The following STK32B variants were observed in gnomAD, a reference collection of about 807,000 sequenced individuals.
STK32B encodes serine/threonine-protein kinase 32B.
Under a neutral mutation model 52.6 loss-of-function variants are expected in STK32B, and 43 were observed. The ratio of observed to expected loss-of-function variants is 0.82; its 90% CI spans 0.64 to 1.05. The LOEUF is 1.05. Among genes scored for constraint, STK32B ranks in the 50% least tolerant of loss-of-function variants. The pLI is 0.00. For missense variants in STK32B, 621 were observed against 534.6 expected, an observed-to-expected ratio of 1.16 and a Z score of -1.59; for synonymous variants, 238 against 204.3, an observed-to-expected ratio of 1.17 and a Z score of -1.41.
At chr4:5,374,581 G>A (rs189242331) in intron 4 of STK32B, among the ~76,000 whole-genome samples, 2 of 152,152 alleles carry the variant, frequency 1.3e-5, no homozygotes, top group South Asian at 2.1e-4. Flanking sequence ...GTCTGGCGAG[G>A]GCCTGCTCCC....
intron 3 of STK32B, among the ~76,000 whole-genome samples, chr4:5,293,836 T>A (rs1729035681): frequency 6.6e-6 from 1 of 152,178 alleles, no homozygotes; most frequent in Non-Finnish European, 1.5e-5. Context: ...CAGTTGCTCT[T>A]AGTGTTTTAG....
At chr4:5,484,844 A>T (rs908394084) in intron 11 of STK32B, among the ~76,000 whole-genome samples, 2 of 152,130 alleles carry the variant, frequency 1.3e-5, no homozygotes, top group African/African-American at 2.4e-5. Context: ...TCCTTCACTT[A>T]TGAAGCATAG....
chr4:5,462,232 G>A (rs773734715), intron 9 of STK32B, among the ~76,000 whole-genome samples: 12 of 151,850 alleles, frequency 7.9e-5, no homozygotes, highest in Non-Finnish European at 2.9e-5. Context: ...GTGTGCCTGT[G>A]TATCTGCGTG....
intron 3 of STK32B, among the ~76,000 whole-genome samples, chr4:5,175,650 C>G (rs531500675): frequency 2.0e-5 from 3 of 152,194 alleles, no homozygotes; most frequent in Non-Finnish European, 4.4e-5. Flanking sequence ...GCTGCCTGAT[C>G]GTTCCTCTGG....
chr4:5,223,282 A>G (rs565777822), intron 3 of STK32B, among the ~76,000 whole-genome samples: 113 of 152,302 alleles, frequency 7.4e-4, no homozygotes, highest in African/African-American at 2.4e-3. Context: ...TCAGGCAAAG[A>G]TCTGCTGCAG....
upstream of STK32B, among the ~76,000 whole-genome samples, chr4:5,048,135 C>A (rs754161526): frequency 1.3e-5 from 2 of 150,166 alleles, no homozygotes; most frequent in African/African-American, 4.9e-5. Context: ...TTTTTTTTTA[C>A]TTGTTTGTTT....
intron 4 of STK32B, among the ~76,000 whole-genome samples, chr4:5,392,641 A>G (rs530634924): frequency 6.6e-6 from 1 of 152,276 alleles, no homozygotes; most frequent in East Asian, 1.9e-4. Flanking sequence ...GACAAATCAC[A>G]AGGAGGAACC....
rs1716970293 is a variant in STK32B at position 5,460,807 on chromosome 4, T to A, written c.909+579T>A. ...TTTCAAAGAACAATTTTATAGCATTTAAGGGAATAAACCAGAGGGAATATA... is the reference window on the plus strand; with the variant it reads ...TTTCAAAGAACAATTTTATAGCATTAAAGGGAATAAACCAGAGGGAATATA... On this transcript the variant is annotated intron_variant, in intron 9 of 11. Coordinates refer to ENST00000282908, the MANE Select transcript of STK32B (RefSeq NM_018401.3). The surrounding 1 kb of genome is among the most constrained non-coding windows in gnomAD (Gnocchi z 4.8). Among the ~76,000 whole-genome samples the A allele has an allele frequency of 1.3e-5, 2 of 152,070 alleles. No individual in the cohort carries two copies. The highest frequency in any genetic ancestry group is 4.8e-5 in the African/African-American group (2 of 41,404).
chr4:5,157,198 A>T (rs944696780), intron 2 of STK32B, among the ~76,000 whole-genome samples: 2 of 151,772 alleles, frequency 1.3e-5, no homozygotes, highest in Non-Finnish European at 2.9e-5. Context: ...CTCTAAGATA[A>T]TGGGAGCATG....
At chr4:5,271,884 T>C (rs1727455439) in intron 3 of STK32B, among the ~76,000 whole-genome samples, 1 of 141,680 alleles carries the variant, frequency 7.1e-6, no homozygotes, top group Admixed American at 6.7e-5. Flanking sequence ...AAGTTGCTTA[T>C]CAGCTTAAGG....
intron 4 of STK32B, among the ~76,000 whole-genome samples, chr4:5,343,966 G>C (rs1733279435): frequency 6.6e-6 from 1 of 152,164 alleles, no homozygotes; most frequent in African/African-American, 2.4e-5. Context: ...ATATAAAGTA[G>C]TGCTTAAAGC....
chr4:5,080,596 T>C (rs187377715), intron 1 of STK32B, among the ~76,000 whole-genome samples: 67 of 152,352 alleles, frequency 4.4e-4, no homozygotes, highest in African/African-American at 1.6e-3. Flanking sequence ...AATTGTCATT[T>C]ACAACCCCAC....
intron 4 of STK32B, among the ~76,000 whole-genome samples, chr4:5,362,625 C>T (rs1364524089): frequency 6.6e-6 from 1 of 152,168 alleles, no homozygotes; most frequent in East Asian, 1.9e-4. Flanking sequence ...CTTCAGAAGA[C>T]CTGCTTGGTG....
At chr4:5,031,067 A>G in the STK32B span, among the ~76,000 whole-genome samples, 2,741 of 152,166 alleles carry the variant, frequency 0.018, 95 homozygotes, top group African/African-American at 0.063. Flanking sequence ...CTCTAGTCCA[A>G]AGGTTATCCA....
chr4:5,169,718 G>C (rs1035168772), intron 3 of STK32B, among the ~76,000 whole-genome samples: 3 of 151,824 alleles, frequency 2.0e-5, no homozygotes, highest in Non-Finnish European at 4.4e-5. Flanking sequence ...AATAAACCCC[G>C]TCATGTTTTG....
chr4:5,475,616 T>A (rs1442946821), intron 11 of STK32B, among the ~76,000 whole-genome samples: 1 of 150,586 alleles, frequency 6.6e-6, no homozygotes, highest in Non-Finnish European at 1.5e-5. Context: ...GAGAATTGCT[T>A]GAACCTGGAA....
chr4:5,456,585 G>T (rs531458640), intron 7 of STK32B, among the ~76,000 whole-genome samples: 1 of 152,286 alleles, frequency 6.6e-6, no homozygotes, highest in Admixed American at 6.5e-5. Context: ...ACATGCTGTG[G>T]CCACAGCAGC....
intron 3 of STK32B, among the ~76,000 whole-genome samples, chr4:5,313,826 A>G (rs1730476944): frequency 6.6e-6 from 1 of 152,142 alleles, no homozygotes; most frequent in Admixed American, 6.6e-5. Context: ...CAATTTAGAA[A>G]TCCCATTTAC....
rs527905070 is a variant in STK32B, at chr4:5,399,199, G to C, written c.472+955G>C. ...CCCGTCTCTCAGGGCCTAACATGGGGTTGGCTGGAGGGAGCAGGTGCGAAT... is the reference window on the plus strand; with the variant it reads ...CCCGTCTCTCAGGGCCTAACATGGGCTTGGCTGGAGGGAGCAGGTGCGAAT... On this transcript the variant is annotated intron_variant, in intron 5 of 11. Transcript: ENST00000282908. The surrounding 1 kb of genome is among the most constrained non-coding windows in gnomAD (Gnocchi z 5.4). 1.3e-5 allele frequency among the ~76,000 whole-genome samples: 2 copies of C among 150,692 alleles called. No individual in the cohort carries two copies. The highest frequency in any genetic ancestry group is 4.2e-4 in the South Asian group (2 of 4,788).
Sources: gnomAD v4.1 joint callset for allele counts (sites outside exome capture counted in the v4.1 genomes callset) on GRCh38, gnomAD v4.1.1 for gene constraint, Gnocchi (gnomAD v3.1) non-coding constraint, MANE v1.5 for transcripts, NCBI Gene and HGNC (gene_info 2026-07-23, HGNC 2026-07-21) for gene names.